The following PDE1C variants were observed in gnomAD, a reference collection of about 807,000 sequenced individuals.
PDE1C encodes the protein dual specificity calcium/calmodulin-dependent 3',5'-cyclic nucleotide phosphodiesterase 1C.
A neutral mutation model predicts 93.1 loss-of-function variants in PDE1C; 62 were observed. That is an observed-to-expected ratio of 0.67 (90% CI 0.54 to 0.82). The LOEUF is 0.82. Ranked by LOEUF, PDE1C falls within the 40% of genes least tolerant of loss-of-function variation. PDE1C has a pLI of 0.00. For synonymous variants in PDE1C, 325 were observed against 310.1 expected, an observed-to-expected ratio of 1.05 and a Z score of -0.50; for missense variants, 742 against 884.6, an observed-to-expected ratio of 0.84 and a Z score of 2.04.
the PDE1C span, among the ~76,000 whole-genome samples, chr7:31,635,620 C>A: frequency 6.6e-6 from 1 of 152,144 alleles, no homozygotes; most frequent in Non-Finnish European, 1.5e-5. Flanking sequence ...TTTAGGGACC[C>A]TTTGTAGTTG....
At chr7:32,307,934 G>C (rs13237692) in intron 1 of PDE1C, among the ~76,000 whole-genome samples, 11,529 of 152,300 alleles carry the variant, frequency 0.076, 509 homozygotes, top group East Asian at 0.13. Flanking sequence ...GCGAGGCATT[G>C]TCTCACTTGG....
chr7:31,775,723 T>C lies in PDE1C; in HGVS notation c.1901A>G (p.Gln634Arg), dbSNP rs375176689. 1.9e-5 allele frequency: 30 copies of C among 1,612,692 alleles called. No homozygotes were observed. The highest frequency in any genetic ancestry group is 1.8e-4 in the Admixed American group (11 of 59,998). Residue 634 changes from glutamine to arginine, a missense_variant, in exon 17 of 18, where the codon CAG becomes CGG. Gln to Arg is a conservative substitution (Grantham distance 43). Transcript: ENST00000396191. ...NDSKKTDGTK[Q>R]RSHGSPAPST... ...TGGGGCTGGTGAGCCGTGAGAACGC[T>C]GTTTTGTGCCTGTGAAGAGGAAAAA...
the PDE1C span, chr7:31,651,814 A>G: frequency 1.5e-6 from 1 of 666,076 alleles, no homozygotes. Flanking sequence ...TCCAGCTGAC[A>G]CAAATAAAGA....
intron 2 of PDE1C, among the ~76,000 whole-genome samples, chr7:32,171,517 A>C (rs1802650432): frequency 6.7e-6 from 1 of 149,140 alleles, no homozygotes; most frequent in Non-Finnish European, 1.5e-5. Context: ...TTAAAATTAA[A>C]TTATTAAAAT....
intron 1 of PDE1C, among the ~76,000 whole-genome samples, chr7:32,412,470 A>AAAG (rs1346238196): frequency 1.3e-5 from 2 of 152,060 alleles, no homozygotes; most frequent in African/African-American, 4.8e-5. Context: ...AAAAAAAAAA[A>AAAG]AAGTTTAGCA....
chr7:32,005,373 G>A (rs747609602), intron 2 of PDE1C, among the ~76,000 whole-genome samples: 7 of 151,680 alleles, frequency 4.6e-5, no homozygotes, highest in Non-Finnish European at 7.4e-5. Flanking sequence ...TGGCTAACAC[G>A]GTGAAATCCT....
At chr7:31,734,321 A>G in the PDE1C span, among the ~76,000 whole-genome samples, 1 of 152,126 alleles carries the variant, frequency 6.6e-6, no homozygotes, top group Non-Finnish European at 1.5e-5. Flanking sequence ...TCATCAGAAA[A>G]GGGGCCCCAG....
intron 1 of PDE1C, among the ~76,000 whole-genome samples, chr7:32,390,771 T>C (rs966160998): frequency 6.6e-6 from 1 of 152,024 alleles, no homozygotes; most frequent in Non-Finnish European, 1.5e-5. Flanking sequence ...GAGGATTGCT[T>C]GAGCCTGGGA....
At chr7:32,241,919 G>A (rs1257496140) in intron 1 of PDE1C, among the ~76,000 whole-genome samples, 1 of 152,130 alleles carries the variant, frequency 6.6e-6, no homozygotes, top group Non-Finnish European at 1.5e-5. Context: ...ATACAGCAAG[G>A]GGAGCATGTG....
intron 12 of PDE1C, 25 bp downstream of exon 12, chr7:31,828,267 T>C (rs1052210746): frequency 5.7e-6 from 9 of 1,588,648 alleles, no homozygotes; most frequent in African/African-American, 2.7e-5. Flanking sequence ...TTGGTGCTTC[T>C]ATCCAAAGAG....
chr7:31,878,004 A>G lies in PDE1C; in HGVS notation c.458T>C (p.Leu153Pro). 6.2e-7 allele frequency: 1 copy of G among 1,613,202 alleles called. No individual in the cohort carries two copies. The highest frequency in any genetic ancestry group is 8.5e-7 in the Non-Finnish European group (1 of 1,179,494). The change falls in exon 5 of 18, where the codon CTG becomes CCG. Residue 153 changes from leucine (L) to proline (P), a missense_variant. By Grantham distance (98) the Leu-to-Pro change is moderately conservative. Around this residue, in one of 4 missense-constraint regions of PDE1C, gnomAD observed 205 missense variants for 295.3 expected, o/e 0.69. Coordinates refer to ENST00000396191, the MANE Select transcript of PDE1C (RefSeq NM_001191057.4). ...MYRRTSNMVG[L>P]SYPPAVIEAL... is the part of the protein sequence containing the mutation. The stretch of plus-strand genomic sequence containing the variant: ...CTCAATAACAGCTGGTGGATAGCTC[A>G]GTCCAACCATGTTTGATGTCCGTCT...
intron 2 of PDE1C, among the ~76,000 whole-genome samples, chr7:32,181,602 G>A (rs977262048): frequency 4.6e-5 from 7 of 151,900 alleles, no homozygotes; most frequent in Non-Finnish European, 8.8e-5. Flanking sequence ...TGAAACCAAC[G>A]AGAACAAAGA....
At chr7:32,112,466 A>AGTTT (rs971517216) in intron 3 of PDE1C, among the ~76,000 whole-genome samples, 55 of 151,868 alleles carry the variant, frequency 3.6e-4, no homozygotes, top group Non-Finnish European at 4.6e-4. Flanking sequence ...TTCTTTTTTT[A>AGTTT]GTTTGTTTGT....
At chr7:31,773,852 T>G (rs6947357) in intron 17 of PDE1C, among the ~76,000 whole-genome samples, 71,445 of 151,912 alleles carry the variant, frequency 0.47, 17,189 homozygotes, top group African/African-American at 0.5. Context: ...CCTATCAATG[T>G]ACAACAGGAC....
chr7:32,042,441 A>G (rs1051798879), intron 2 of PDE1C, among the ~76,000 whole-genome samples: 5 of 152,196 alleles, frequency 3.3e-5, no homozygotes, highest in Non-Finnish European at 7.4e-5. Flanking sequence ...GTTACCTCAG[A>G]TGAGTTACCT....
At chr7:31,852,070 C>T (rs184404854) in intron 7 of PDE1C, among the ~76,000 whole-genome samples, 91 of 152,238 alleles carry the variant, frequency 6.0e-4, no homozygotes, top group Non-Finnish European at 1.0e-3. Context: ...TTTAAGTTAA[C>T]GCAAAATGAG....
At chr7:31,903,090 T>C (rs1800180529) in intron 2 of PDE1C, among the ~76,000 whole-genome samples, 1 of 151,836 alleles carries the variant, frequency 6.6e-6, no homozygotes, top group Admixed American at 6.6e-5. Flanking sequence ...TACTCTTTCC[T>C]AAGGAAATAA....
At chr7:31,637,327 G>A in the PDE1C span, among the ~76,000 whole-genome samples, 2 of 152,196 alleles carry the variant, frequency 1.3e-5, no homozygotes, top group East Asian at 3.9e-4. Flanking sequence ...CTTCCACAAT[G>A]GTTGAACTAG....
chr7:31,687,078 C>T, the PDE1C span: 20 of 152,288 alleles, frequency 1.3e-4, no homozygotes, highest in African/African-American at 4.1e-4. Flanking sequence ...CAATGATTGC[C>T]GTGGAGAGCA....
Sources: allele counts gnomAD v4.1 joint callset (sites outside exome capture counted in the v4.1 genomes callset), GRCh38; gene constraint gnomAD v4.1.1; regional missense constraint gnomAD v4.1.1; transcripts MANE v1.5; gene names NCBI Gene and HGNC (gene_info 2026-07-23, HGNC 2026-07-21).